The following CSNK1G3 variants were observed in gnomAD, a reference collection of about 807,000 sequenced individuals.
CSNK1G3 encodes the protein casein kinase I isoform gamma-3.
A neutral mutation model predicts 64.3 loss-of-function variants in CSNK1G3; 23 were observed. The ratio of observed to expected loss-of-function variants is 0.36; its 90% CI spans 0.26 to 0.51. The LOEUF (loss-of-function observed/expected upper bound fraction) is 0.51, where lower values mean the gene tolerates loss of function less well. Among genes scored for constraint, CSNK1G3 ranks in the 20% least tolerant of loss-of-function variants. The pLI is 0.96. For synonymous variants in CSNK1G3, 158 were observed against 162.2 expected, an observed-to-expected ratio of 0.97 and a Z score of 0.20; for missense variants, 357 against 510.5, an observed-to-expected ratio of 0.70 and a Z score of 2.90.
At chr5:123,585,117 A>G (rs1184924883) in intron 6 of CSNK1G3, among the ~76,000 whole-genome samples, 2 of 152,176 alleles carry the variant, frequency 1.3e-5, no homozygotes, top group Non-Finnish European at 2.9e-5. Flanking sequence ...ATGAAGGCAG[A>G]TACAGATAAG....
chr5:123,598,159 G>A (rs559103541), intron 10 of CSNK1G3, among the ~76,000 whole-genome samples: 4 of 152,166 alleles, frequency 2.6e-5, no homozygotes, highest in Middle Eastern at 3.4e-3. Flanking sequence ...TTTTGTATCA[G>A]CCTGTGTTCT....
At position 123,529,525 on chromosome 5, in the gene CSNK1G3, C is replaced by T. The variant is rs77418719; in HGVS notation, c.-247-15892C>T. Among the ~76,000 whole-genome samples, 788 of 152,262 alleles carry T rather than the reference C, an allele frequency of 5.2e-3. 15 individuals are homozygous for T. Among genetic ancestry groups the T allele is most frequent in the East Asian group, 0.028 (144 of 5,180 alleles). On this transcript the variant is annotated intron_variant, in intron 1 of 12. Transcript: ENST00000345990. ...AAGTTGTTCATCACTGTATTTCTAG[C>T]ACCTAGACCTGTACCTGTGTCTGGT...
At chr5:123,537,338 A>G (rs1318888302) in intron 1 of CSNK1G3, among the ~76,000 whole-genome samples, 2 of 152,002 alleles carry the variant, frequency 1.3e-5, no homozygotes, top group African/African-American at 2.4e-5. Flanking sequence ...AGAAAGTCAG[A>G]TATCACATGT....
intron 4 of CSNK1G3, among the ~76,000 whole-genome samples, chr5:123,568,270 C>T (rs1295776702): frequency 6.6e-6 from 1 of 152,054 alleles, no homozygotes; most frequent in African/African-American, 2.4e-5. Context: ...TGGATCAGAC[C>T]AGCAGCCGAA....
chr5:123,558,113 C>T (rs762206083), intron 4 of CSNK1G3, among the ~76,000 whole-genome samples: 1 of 152,126 alleles, frequency 6.6e-6, no homozygotes, highest in Non-Finnish European at 1.5e-5. Context: ...GTACTTTCGC[C>T]TAGAGTCTCT....
At chr5:123,599,417 G>A (rs1334701097) in intron 10 of CSNK1G3, among the ~76,000 whole-genome samples, 1 of 152,200 alleles carries the variant, frequency 6.6e-6, no homozygotes, top group Non-Finnish European at 1.5e-5. Context: ...AACATTCATT[G>A]TTGTAATAAG....
In CSNK1G3 at chr5:123,577,602, A is replaced by C. The variant is rs779981895; in HGVS notation, c.673+1639A>C. Among the ~76,000 whole-genome samples, 3 of 151,604 alleles carry C rather than the reference A, an allele frequency of 2.0e-5. 1 individual carries two copies. The highest frequency in any genetic ancestry group is 4.4e-5 in the Non-Finnish European group (3 of 67,792). ...GGCTATCACTACTTACAATATATTT[A>C]CTTGTTTTTAAAAGCTGAGGATACT... On this transcript the variant is annotated intron_variant, in intron 6 of 12. Coordinates refer to ENST00000345990, the Ensembl canonical transcript of CSNK1G3.
chr5:123,534,194 T>G (rs570116775), intron 1 of CSNK1G3, among the ~76,000 whole-genome samples: 1 of 152,230 alleles, frequency 6.6e-6, no homozygotes, highest in Non-Finnish European at 1.5e-5. Flanking sequence ...GCATATTATA[T>G]AAGAATACCC....
intron 8 of CSNK1G3, among the ~76,000 whole-genome samples, chr5:123,589,235 A>G (rs1034606972): frequency 2.6e-5 from 4 of 152,200 alleles, no homozygotes; most frequent in African/African-American, 9.6e-5. Context: ...TTAATGTAAT[A>G]ATAATATTAT....
chr5:123,540,082 G>A (rs566345639), intron 1 of CSNK1G3, among the ~76,000 whole-genome samples: 1 of 151,914 alleles, frequency 6.6e-6, no homozygotes, highest in East Asian at 1.9e-4. Flanking sequence ...ATCAGTTTTT[G>A]TCTTTATTTT....
intron 6 of CSNK1G3, among the ~76,000 whole-genome samples, chr5:123,577,699 A>AT (rs1789452236): frequency 6.6e-6 from 1 of 151,908 alleles, no homozygotes; most frequent in Non-Finnish European, 1.5e-5. Flanking sequence ...AACATTTGTA[A>AT]TTCTTATTTT....
intron 2 of CSNK1G3, among the ~76,000 whole-genome samples, chr5:123,550,147 A>G (rs1783359958): frequency 1.3e-5 from 2 of 152,228 alleles, no homozygotes; most frequent in Non-Finnish European, 2.9e-5. Flanking sequence ...TAACTAAGGA[A>G]TAGACTGTAA....
At chr5:123,533,110 T>C (rs527416403) in intron 1 of CSNK1G3, among the ~76,000 whole-genome samples, 161 of 152,096 alleles carry the variant, frequency 1.1e-3, no homozygotes, top group African/African-American at 3.7e-3. Context: ...TTACTTACCA[T>C]TGACACTTTA....
At chr5:123,587,898 CATT>C (rs1489468784) in intron 6 of CSNK1G3, among the ~76,000 whole-genome samples, 167 bp from the exon 7 acceptor site, 1 of 151,932 alleles carries the variant, frequency 6.6e-6, no homozygotes, top group African/African-American at 2.4e-5. Context: ...AATGTAAAAA[CATT>C]ATTTATATAG....
intron 1 of CSNK1G3, among the ~76,000 whole-genome samples, chr5:123,526,312 C>T (rs998114531): frequency 2.6e-5 from 4 of 152,080 alleles, no homozygotes; most frequent in African/African-American, 9.7e-5. Context: ...ACTCTGGCCT[C>T]CCAAGGTGTT....
At chr5:123,540,344 A>T (rs187383725) in intron 1 of CSNK1G3, among the ~76,000 whole-genome samples, 1 of 151,856 alleles carries the variant, frequency 6.6e-6, no homozygotes, top group Non-Finnish European at 1.5e-5. Flanking sequence ...ATATTTTCCT[A>T]TAAGTCTGTA....
At chr5:123,533,185 C>T (rs2150115521) in intron 1 of CSNK1G3, among the ~76,000 whole-genome samples, 1 of 151,972 alleles carries the variant, frequency 6.6e-6, no homozygotes, top group South Asian at 2.1e-4. Context: ...TAACTCTGTA[C>T]TTTGCAGGAT....
chr5:123,581,641 GT>G (rs1362334335), intron 6 of CSNK1G3, among the ~76,000 whole-genome samples: 1 of 151,334 alleles, frequency 6.6e-6, no homozygotes, highest in Non-Finnish European at 1.5e-5. Context: ...TTAGTGAACT[GT>G]TCCTGTGTAT....
At chr5:123,567,605 T>TA (rs990195516) in intron 4 of CSNK1G3, among the ~76,000 whole-genome samples, 6 of 151,516 alleles carry the variant, frequency 4.0e-5, no homozygotes, top group African/African-American at 9.7e-5. Context: ...GACTCCATTT[T>TA]AAAAAAAAAT....
Sources: gnomAD v4.1 joint callset for allele counts (sites outside exome capture counted in the v4.1 genomes callset) on GRCh38, gnomAD v4.1.1 for gene constraint, MANE v1.5 for transcripts, NCBI Gene and HGNC (gene_info 2026-07-23, HGNC 2026-07-21) for gene names.